Variants in DST observed in about 807,000 individuals in gnomAD.
The protein encoded by DST is dystonin.
In DST, 253 loss-of-function variants were observed where a neutral mutation model predicts 875.2. That is an observed-to-expected ratio of 0.29 (90% CI 0.26 to 0.32). The LOEUF is 0.32. Among genes scored for constraint, DST ranks in the 10% least tolerant of loss-of-function variants. The pLI is 1.00. For synonymous variants in DST, 3,124 were observed against 3,197.1 expected, an observed-to-expected ratio of 0.98 and a Z score of 0.77; for missense variants, 8,287 against 9,111.6, an observed-to-expected ratio of 0.91 and a Z score of 3.68.
intron 87 of DST, 98 bp from the exon 88 acceptor site, chr6:56,485,569 AG>A: frequency 8.4e-7 from 1 of 1,185,782 alleles, no homozygotes; most frequent in East Asian, 2.5e-5. Context: ...GTGGTACTCA[AG>A]GGGAAGAGCA....
intron 49 of DST, among the ~76,000 whole-genome samples, chr6:56,585,272 G>T (rs1227989041): frequency 4.6e-5 from 7 of 152,082 alleles, no homozygotes; most frequent in East Asian, 1.9e-4. Context: ...CAATTTCAGA[G>T]CCTGTTATTG....
At chr6:56,671,276 A>G (rs1387842025) in intron 9 of DST, among the ~76,000 whole-genome samples, 1 of 152,224 alleles carries the variant, frequency 6.6e-6, no homozygotes, top group African/African-American at 2.4e-5. Flanking sequence ...TGTTAATACA[A>G]CTTAAGGAGG....
At chr6:56,622,569 C>CAAAAAA in intron 36 of DST, among the ~76,000 whole-genome samples, 1 of 65,732 alleles carries the variant, frequency 1.5e-5, no homozygotes, top group Non-Finnish European at 2.8e-5. Context: ...AGATCCGTCT[C>CAAAAAA]AAAAAAAAAA....
chr6:56,733,334 G>A (rs1469310386), intron 5 of DST, among the ~76,000 whole-genome samples: 4 of 152,142 alleles, frequency 2.6e-5, no homozygotes, highest in Non-Finnish European at 5.9e-5. Flanking sequence ...AGTACTTGAT[G>A]TAATAAAAAG....
At chr6:56,816,318 T>G (rs996625044) in intron 4 of DST, among the ~76,000 whole-genome samples, 1 of 152,192 alleles carries the variant, frequency 6.6e-6, no homozygotes, top group Non-Finnish European at 1.5e-5. Context: ...GATATTTTTT[T>G]CGCTTCCTGT....
chr6:56,494,983 C>CAT (rs577035409), intron 82 of DST, among the ~76,000 whole-genome samples: 98 of 151,950 alleles, frequency 6.4e-4, no homozygotes, highest in Non-Finnish European at 9.9e-4. Context: ...CAATATAACT[C>CAT]ATATAATATA....
intron 68 of DST, 116 bp downstream of exon 68, chr6:56,527,374 CCCA>C: frequency 7.6e-7 from 1 of 1,309,698 alleles, no homozygotes; most frequent in Non-Finnish European, 1.0e-6. Context: ...TGGGTCTCCA[CCCA>C]CCAAGGCATC....
At chr6:56,926,247 G>A (rs531623917) in intron 2 of DST, among the ~76,000 whole-genome samples, 5 of 151,976 alleles carry the variant, frequency 3.3e-5, no homozygotes, top group South Asian at 2.1e-4. Flanking sequence ...TCCACTTTTT[G>A]TTGGGTCTCA....
chr6:56,749,521 T>C (rs1036113830), intron 4 of DST, among the ~76,000 whole-genome samples: 3 of 152,156 alleles, frequency 2.0e-5, no homozygotes, highest in Admixed American at 1.3e-4. Flanking sequence ...AGATATACCT[T>C]AATACACGGC....
chr6:56,495,527 G>T (rs752271182), intron 82 of DST, among the ~76,000 whole-genome samples: 22 of 151,802 alleles, frequency 1.4e-4, no homozygotes, highest in Admixed American at 6.6e-5. Context: ...ATAATCCCAA[G>T]CATCTATCTG....
At chr6:56,844,300 A>T (rs905330064) in intron 4 of DST, among the ~76,000 whole-genome samples, 2 of 152,084 alleles carry the variant, frequency 1.3e-5, no homozygotes, top group African/African-American at 2.4e-5. Context: ...GCTGCCGAGT[A>T]CCAGCCTGCG....
intron 9 of DST, among the ~76,000 whole-genome samples, chr6:56,673,209 C>T (rs530872389): frequency 2.6e-5 from 4 of 152,170 alleles, no homozygotes; most frequent in South Asian, 4.2e-4. Flanking sequence ...CACGCCACTG[C>T]GCTCCAGCCT....
chr6:56,776,667 G>A (rs2099679872), intron 4 of DST, among the ~76,000 whole-genome samples: 1 of 151,386 alleles, frequency 6.6e-6, no homozygotes. Flanking sequence ...ATTTCAAAAG[G>A]GTCACATATT....
At chr6:56,780,054 C>CATGA (rs2099689479) in intron 4 of DST, among the ~76,000 whole-genome samples, 1 of 151,678 alleles carries the variant, frequency 6.6e-6, no homozygotes. Flanking sequence ...AGGACATGAA[C>CATGA]TCATCATTTT....
At position 56,607,102 on chromosome 6, in the gene DST, G is replaced by T; in HGVS notation, c.7526C>A (p.Ser2509Tyr). 1 of 1,613,164 alleles carries T rather than the reference G, an allele frequency of 6.2e-7. No individual in the cohort carries two copies. Among genetic ancestry groups the T allele is most frequent in the South Asian group, 1.1e-5 (1 of 91,054 alleles). Reference sequence around the variant, plus strand: ...AGGATTACTAGAAATCATATTTAAAGATTTCTGTCCATACTGCTCTCCTGG... The same window carrying T: ...AGGATTACTAGAAATCATATTTAAATATTTCTGTCCATACTGCTCTCCTGG... The part of the protein sequence containing the change: ...SLPGEQYGQK[S>Y]LNMISSNPQV... Residue 2509 changes from serine to tyrosine, a missense_variant, in exon 40 of 104, where the codon TCT becomes TAT. By Grantham distance (144) the Ser-to-Tyr change is moderately radical (BLOSUM62 -2). Around this residue, in one of 10 missense-constraint regions of DST, gnomAD observed 3,138 missense variants for 3,116.6 expected, o/e 1.01. Coordinates refer to ENST00000680361, the MANE Select transcript of DST (RefSeq NM_001374736.1).
In DST at chr6:56,607,814, A is replaced by C. The variant is rs2098511717; in HGVS notation, c.6814T>G (p.Cys2272Gly). The change falls in exon 40 of 104, where the codon TGT (cysteine) becomes GGT (glycine). Residue 2272 changes from cysteine to glycine, a missense_variant. Cys to Gly is a radical substitution (Grantham distance 159). Around this residue, in one of 10 missense-constraint regions of DST, gnomAD observed 3,138 missense variants for 3,116.6 expected, o/e 1.01. Transcript: ENST00000680361. The stretch of plus-strand genomic sequence containing the variant: ...TTGAAACTACTTGGTGTAGCTGTAC[A>C]TTCATCCTTTTCTCTACCTGAAGCA... ...NNASGREKDE[C>G]TATPSSFNKC... is the part of the protein sequence containing the mutation. The C allele has an allele frequency of 6.2e-7, 1 of 1,613,374 alleles. No homozygotes were observed. Among genetic ancestry groups the C allele is most frequent in the Non-Finnish European group, 8.5e-7 (1 of 1,179,716 alleles).
At chr6:56,776,593 C>T (rs1441981528) in intron 4 of DST, among the ~76,000 whole-genome samples, 1 of 152,020 alleles carries the variant, frequency 6.6e-6, no homozygotes, top group Non-Finnish European at 1.5e-5. Flanking sequence ...AAATCCATTA[C>T]TATTTAATAC....
intron 61 of DST, among the ~76,000 whole-genome samples, chr6:56,550,937 T>G (rs1412489105): frequency 6.6e-6 from 1 of 152,174 alleles, no homozygotes; most frequent in Non-Finnish European, 1.5e-5. Context: ...GTGAAATCTT[T>G]ATTTTGCAAA....
rs895649434 is a variant in DST, at chr6:56,925,550, G to A, written c.217-24929C>T. ...TTTGAGTGGGAAAAGGGATCACAAT[G>A]TTTATACAGTTCAGAATAATTTTGG... On this transcript the variant is annotated intron_variant, in intron 2 of 103. Coordinates refer to ENST00000680361, the MANE Select transcript of DST (RefSeq NM_001374736.1). Among the ~76,000 whole-genome samples the A allele has an allele frequency of 2.0e-5, 3 of 152,338 alleles. No individual in the cohort carries two copies. In the South Asian group the frequency reaches 6.2e-4, roughly 32 times the overall value.
Sources: gnomAD v4.1 joint callset for allele counts (sites outside exome capture counted in the v4.1 genomes callset) on GRCh38, gnomAD v4.1.1 for gene constraint, gnomAD v4.1.1 regional missense constraint, MANE v1.5 for transcripts, NCBI Gene and HGNC (gene_info 2026-07-23, HGNC 2026-07-21) for gene names.